CCDC141: variants seen among roughly 807,000 people sequenced by gnomAD.
CCDC141 encodes the protein coiled-coil domain containing 141.
Under a neutral mutation model 181.0 loss-of-function variants are expected in CCDC141, and 168 were observed. The ratio of observed to expected loss-of-function variants is 0.93; its 90% CI spans 0.82 to 1.05. The LOEUF is 1.05. CCDC141 is among the 50% of genes least tolerant of loss of function. CCDC141 has a pLI of 0.00. For synonymous variants in CCDC141, 666 were observed against 642.3 expected (o/e 1.04, Z -0.56); for missense variants, 1,902 against 1,788.5 (o/e 1.06, Z -1.14).
At chr2:179,032,396 T>C (rs533724880) in intron 2 of CCDC141, among the ~76,000 whole-genome samples, 5 of 152,222 alleles carry the variant, frequency 3.3e-5, no homozygotes, top group Non-Finnish European at 7.4e-5. Context: ...GCAGAGACAA[T>C]AGAAACACAA....
At chr2:179,031,952 C>T (rs754464505) in intron 2 of CCDC141, among the ~76,000 whole-genome samples, 24 of 152,010 alleles carry the variant, frequency 1.6e-4, no homozygotes, top group Non-Finnish European at 3.1e-4. Context: ...TGTGGTTCTT[C>T]AGAGTTTCCT....
intron 6 of CCDC141, among the ~76,000 whole-genome samples, chr2:178,932,837 C>T (rs542998731): frequency 6.6e-6 from 1 of 152,250 alleles, no homozygotes; most frequent in East Asian, 1.9e-4. Context: ...ATTGGCTCTA[C>T]TGATGACAAT....
At position 179,015,068 on chromosome 2, in the gene CCDC141, A is replaced by ATATATAT. The variant is rs1491318653; in HGVS notation, c.225+32209_225+32215dup. Among the ~76,000 whole-genome samples, 7 of 9,270 alleles carry ATATATAT rather than the reference A, an allele frequency of 7.6e-4. 1 individual carries two copies. The highest frequency in any genetic ancestry group is 3.0e-3 in the African/African-American group (7 of 2,352). The allele number at this position is 9,270 out of a possible 152,430, so 6.1% of individuals were successfully genotyped here. The stretch of plus-strand genomic sequence containing the variant: ...TGGATAAACTGTGAGAGAGACAGAG[A>ATATATAT]TATATATATATATATATATATATAT... On this transcript the variant is annotated intron_variant, in intron 2 of 23. Coordinates refer to ENST00000443758, the MANE Select transcript of CCDC141 (RefSeq NM_173648.4).
chr2:179,000,618 C>G (rs1411509438), intron 2 of CCDC141, among the ~76,000 whole-genome samples: 1 of 152,046 alleles, frequency 6.6e-6, no homozygotes, highest in South Asian at 2.1e-4. Flanking sequence ...ATAATTTATG[C>G]AATTATTCCC....
At chr2:179,042,929 G>A (rs1360544593) in intron 2 of CCDC141, among the ~76,000 whole-genome samples, 1 of 151,912 alleles carries the variant, frequency 6.6e-6, no homozygotes, top group Non-Finnish European at 1.5e-5. Flanking sequence ...AATCCTAAAA[G>A]CTAGCTTTTT....
chr2:178,923,771 C>T (rs1036917108), intron 6 of CCDC141, among the ~76,000 whole-genome samples: 1 of 152,162 alleles, frequency 6.6e-6, no homozygotes, highest in African/African-American at 2.4e-5. Flanking sequence ...TTTTCACTCA[C>T]AGTAGGAACC....
At position 178,961,377 on chromosome 2, in the gene CCDC141, C is replaced by T. The variant is rs957192579; in HGVS notation, c.633G>A (p.Gln211=). Residue 211 remains glutamine, a synonymous_variant, in exon 5 of 24, where the codon CAG becomes CAA. Coordinates refer to ENST00000443758, the MANE Select transcript of CCDC141 (RefSeq NM_173648.4). ...CCTTCAGACAGCTGCTATGAGCTCC[C>T]TGAGTCAACTCAGGATTCACATTAG... The part of the protein sequence containing the change: ...EGPNVNPELT[Q]GAHSSCLKVD... The T allele has an allele frequency of 9.7e-6, 15 of 1,550,484 alleles. No homozygotes were observed. In the African/African-American group the frequency reaches 1.2e-4, roughly 13 times the overall value.
chr2:179,018,309 C>G (rs1369446675), intron 2 of CCDC141, among the ~76,000 whole-genome samples: 1 of 152,074 alleles, frequency 6.6e-6, no homozygotes, highest in Non-Finnish European at 1.5e-5. Flanking sequence ...ACACTGGAGT[C>G]TATCTGTAAC....
In CCDC141 at chr2:178,986,719, T is replaced by G. The variant is rs1267116895; in HGVS notation, c.226-8044A>C. Among the ~76,000 whole-genome samples, 9 of 152,006 alleles carry G rather than the reference T, an allele frequency of 5.9e-5. No individual in the cohort carries two copies. The East Asian group carries it at 1.5e-3, about 26-fold the overall frequency. ...TCATGAGTGAACTCCCATTCACAAT[T>G]GCTTCAAAGAGAATAAAATACCTAG... On this transcript the variant is annotated intron_variant, in intron 2 of 23. Coordinates refer to ENST00000443758, the MANE Select transcript of CCDC141 (RefSeq NM_173648.4).
intron 8 of CCDC141, among the ~76,000 whole-genome samples, chr2:178,901,558 C>A (rs36153168): frequency 0.02 from 3,001 of 152,202 alleles, 50 homozygotes; most frequent in Non-Finnish European, 0.034. Context: ...ATTCAACAAA[C>A]CTTCATGCTA....
At chr2:178,906,459 GA>G (rs1438253674) in intron 7 of CCDC141, among the ~76,000 whole-genome samples, 2 of 152,186 alleles carry the variant, frequency 1.3e-5, no homozygotes, top group Non-Finnish European at 2.9e-5. Context: ...TTTTGACCTA[GA>G]AAACAAATGG....
chr2:178,983,167 G>T (rs928741497), intron 2 of CCDC141, among the ~76,000 whole-genome samples: 27 of 152,258 alleles, frequency 1.8e-4, no homozygotes, highest in Non-Finnish European at 3.4e-4. Flanking sequence ...CCTGACCCCC[G>T]ACCAGCCTAA....
Position 178,837,419 on chromosome 2 carries a change from G to A in CCDC141, c.3800C>T (p.Pro1267Leu), listed in dbSNP as rs759166522. Residue 1267 changes from proline to leucine, a missense_variant, in exon 23 of 24, where the codon CCA becomes CTA. Pro to Leu is a moderately conservative substitution (Grantham distance 98, BLOSUM62 -3). Coordinates refer to ENST00000443758, the MANE Select transcript of CCDC141 (RefSeq NM_173648.4). The part of the protein sequence containing the change: ...SPGDAQESVL[P>L]PPVAFADACN... ...TGCATCCGCAAAGGCAACAGGTGGT[G>A]GAAGAACAGATTCCTGGGCATCCCC... The A allele has an allele frequency of 1.1e-5, 17 of 1,613,954 alleles. No individual in the cohort carries two copies. In the East Asian group the frequency reaches 3.1e-4, roughly 30 times the overall value.
At chr2:178,886,322 A>G (rs1686881878) in intron 10 of CCDC141, among the ~76,000 whole-genome samples, 1 of 152,162 alleles carries the variant, frequency 6.6e-6, no homozygotes, top group East Asian at 1.9e-4. Context: ...AATGTTAGGT[A>G]AGCAAACAAG....
intron 8 of CCDC141, among the ~76,000 whole-genome samples, chr2:178,893,799 TCA>T (rs56229236): frequency 0.23 from 32,659 of 143,504 alleles, 4,338 homozygotes; most frequent in East Asian, 0.66. Flanking sequence ...TCTCTCTCTC[TCA>T]CACACACACA....
At chr2:178,974,806 C>T (rs1284528771) in intron 4 of CCDC141, among the ~76,000 whole-genome samples, 1 of 152,124 alleles carries the variant, frequency 6.6e-6, no homozygotes, top group Non-Finnish European at 1.5e-5. Context: ...CCTCTGTCCT[C>T]AGGAGCTAAA....
At chr2:178,892,150 T>A (rs80075611) in intron 8 of CCDC141, among the ~76,000 whole-genome samples, 1,902 of 152,298 alleles carry the variant, frequency 0.012, 46 homozygotes, top group African/African-American at 0.043. Context: ...ATCCAAAGAC[T>A]GCCCAATTTC....
intron 2 of CCDC141, among the ~76,000 whole-genome samples, chr2:179,004,382 A>G (rs549369145): frequency 1.3e-5 from 2 of 152,302 alleles, no homozygotes; most frequent in African/African-American, 4.8e-5. Flanking sequence ...TTTTTCTAAT[A>G]CATTTGTTTC....
intron 10 of CCDC141, among the ~76,000 whole-genome samples, chr2:178,886,068 G>T (rs78395897): frequency 0.05 from 7,549 of 152,202 alleles, 438 homozygotes; most frequent in South Asian, 0.17. Flanking sequence ...AAAAAAATGG[G>T]TGTGTTTGTG....
Sources: gnomAD v4.1 joint callset for allele counts (sites outside exome capture counted in the v4.1 genomes callset) on GRCh38, gnomAD v4.1.1 for gene constraint, MANE v1.5 for transcripts, NCBI Gene and HGNC (gene_info 2026-07-23, HGNC 2026-07-21) for gene names.